The following TMEM229B variants were observed in gnomAD, a reference collection of about 807,000 sequenced individuals.
The protein encoded by TMEM229B is chromosome 14 open reading frame 83.
A neutral mutation model predicts 13.7 loss-of-function variants in TMEM229B; 6 were observed. The observed-to-expected ratio is 0.44, with a 90% CI of 0.24 to 0.86. The LOEUF is 0.86. TMEM229B is among the 40% of genes least tolerant of loss of function. The probability of loss-of-function intolerance (pLI) is 0.23; values close to 1 mark genes in which losing one functional copy is unlikely to be tolerated. For missense variants in TMEM229B, 170 were observed against 236.0 expected (o/e 0.72, Z 1.83); for synonymous variants, 107 against 102.1 (o/e 1.05, Z -0.29).
upstream of TMEM229B, among the ~76,000 whole-genome samples, chr14:67,520,290 T>C (rs888874499): frequency 1.1e-4 from 17 of 152,228 alleles, no homozygotes; most frequent in African/African-American, 4.1e-4. Context: ...TTTAGTATCA[T>C]ATGGAATATT....
chr14:67,523,674 C>T (rs954244452), intron 1 of TMEM229B, among the ~76,000 whole-genome samples: 4 of 152,222 alleles, frequency 2.6e-5, no homozygotes, highest in African/African-American at 9.6e-5. Flanking sequence ...GTAGGTTAAA[C>T]TCTGGCTTTG....
In TMEM229B at chr14:67,472,595, A is replaced by AAGGAGGTG. The variant is rs2030823988; in HGVS notation, c.*824_*825insCACCTCCT. 1 of 152,322 alleles carries AAGGAGGTG rather than the reference A, an allele frequency of 6.6e-6. No homozygotes were observed. The highest frequency in any genetic ancestry group is 2.1e-4 in the South Asian group (1 of 4,812). The allele number at this position is 152,322 out of a possible 1,614,324, so 9.4% of individuals were successfully genotyped here. A position where few individuals can be genotyped will look rare whatever the true frequency, so the allele number is the denominator to read the frequency against. On this transcript the variant is annotated 3_prime_UTR_variant, in exon 3 of 3. Coordinates refer to ENST00000554480, the MANE Select transcript of TMEM229B (RefSeq NM_001348543.2). ...CCGGAACAGTGGAGGGAAGGGCTGC[A>AAGGAGGTG]AGGGGGTGAGGGTTGGGGGTGTCTC...
intron 1 of TMEM229B, among the ~76,000 whole-genome samples, chr14:67,511,064 T>C (rs958397563): frequency 1.3e-5 from 2 of 152,202 alleles, no homozygotes; most frequent in African/African-American, 4.8e-5. Flanking sequence ...AAGGCCTTAC[T>C]AAAACTCAGG....
intron 1 of TMEM229B, among the ~76,000 whole-genome samples, chr14:67,512,165 C>A (rs551359259): frequency 3.3e-5 from 5 of 152,212 alleles, no homozygotes; most frequent in Non-Finnish European, 7.3e-5. Flanking sequence ...ATTTCCCCAA[C>A]ACATGCATTC....
intron 1 of TMEM229B, among the ~76,000 whole-genome samples, chr14:67,525,810 G>A (rs1262292343): frequency 6.6e-6 from 1 of 152,200 alleles, no homozygotes; most frequent in African/African-American, 2.4e-5. Context: ...CTTCTCAGGA[G>A]TGTCTTTTGT....
intron 1 of TMEM229B, among the ~76,000 whole-genome samples, chr14:67,511,258 A>G (rs2033015068): frequency 6.6e-6 from 1 of 152,252 alleles, no homozygotes; most frequent in African/African-American, 2.4e-5. Context: ...GCTTTTGGAA[A>G]GCAAAGGAAT....
At chr14:67,479,330 G>A (rs550738078) in intron 2 of TMEM229B, among the ~76,000 whole-genome samples, 28 of 145,662 alleles carry the variant, frequency 1.9e-4, no homozygotes, top group Non-Finnish European at 3.2e-4. Flanking sequence ...TGCTTGAACC[G>A]GGACCCAGGA....
chr14:67,494,854 G>A (rs1594699396), intron 1 of TMEM229B, among the ~76,000 whole-genome samples: 1 of 152,324 alleles, frequency 6.6e-6, no homozygotes, highest in East Asian at 1.9e-4. Flanking sequence ...ATTCAGGCCT[G>A]TAATCCCAGC....
At chr14:67,491,269 C>T (rs79560985), upstream of TMEM229B, among the ~76,000 whole-genome samples, 1 of 152,148 alleles carries the variant, frequency 6.6e-6, no homozygotes, top group African/African-American at 2.4e-5. Flanking sequence ...CCACCAGCAC[C>T]GCCACATGTT....
upstream of TMEM229B, among the ~76,000 whole-genome samples, chr14:67,489,938 T>C (rs2032093270): frequency 6.6e-6 from 1 of 151,314 alleles, no homozygotes; most frequent in South Asian, 2.1e-4. Context: ...TGCAGTGATC[T>C]GAGACCACGC....
intron 2 of TMEM229B, among the ~76,000 whole-genome samples, chr14:67,485,537 C>T (rs185388037): frequency 6.6e-6 from 1 of 152,170 alleles, no homozygotes; most frequent in Non-Finnish European, 1.5e-5. Flanking sequence ...AGCCTAGGAA[C>T]TCCAAAAAAA....
chr14:67,473,964 A>G lies in TMEM229B; in HGVS notation c.-18-23T>C. 1.3e-6 allele frequency: 2 copies of G among 1,559,712 alleles called. No homozygotes were observed. The highest frequency in any genetic ancestry group is 1.7e-6 in the Non-Finnish European group (2 of 1,154,414). On this transcript the variant is annotated intron_variant, in intron 2 of 2. Coordinates refer to ENST00000554480, the MANE Select transcript of TMEM229B (RefSeq NM_001348543.2). The surrounding 1 kb of genome is among the most constrained non-coding windows in gnomAD (Gnocchi z 6.5). ...TGGCTGCGGGGGGCGCAAGAGAGAC[A>G]GGTGAGGGCCGGGCGCGGTGGCTCA...
intron 1 of TMEM229B, among the ~76,000 whole-genome samples, chr14:67,530,734 C>T (rs60799856): frequency 0.096 from 14,546 of 152,210 alleles, 777 homozygotes; most frequent in East Asian, 0.13. Context: ...ATTATTTGCC[C>T]TTGCATGAAT....
At chr14:67,475,206 T>C (rs777326052) in intron 2 of TMEM229B, among the ~76,000 whole-genome samples, 1 of 152,210 alleles carries the variant, frequency 6.6e-6, no homozygotes, top group Non-Finnish European at 1.5e-5. Flanking sequence ...TGAGCCACTG[T>C]GCCCAGCCAG....
intron 2 of TMEM229B, among the ~76,000 whole-genome samples, chr14:67,480,903 C>T (rs1381852984): frequency 6.6e-6 from 1 of 152,140 alleles, no homozygotes; most frequent in Non-Finnish European, 1.5e-5. Flanking sequence ...CAGCAAGTAA[C>T]TTGGGAGAGT....
In TMEM229B at chr14:67,473,650, C is replaced by T. The variant is rs1479464338; in HGVS notation, c.274G>A (p.Gly92Ser). 2 of 1,579,798 alleles carry T rather than the reference C, an allele frequency of 1.3e-6. No homozygotes were observed. The highest frequency in any genetic ancestry group is 1.7e-6 in the Non-Finnish European group (2 of 1,162,912). ...GCGTTGAACTGGCGCAGGATGAAGCCGGTGGTGAACTCCCACAGGTAGGTC... is the reference window on the plus strand; with the variant it reads ...GCGTTGAACTGGCGCAGGATGAAGCTGGTGGTGAACTCCCACAGGTAGGTC... Reference protein sequence around the residue: ...LWTYLWEFTTGFILRQFNACP... With the variant: ...LWTYLWEFTTSFILRQFNACP... The change falls in exon 3 of 3, where the codon GGC becomes AGC. Residue 92 changes from glycine (G) to serine (S), a missense_variant. Coordinates refer to ENST00000554480, the MANE Select transcript of TMEM229B (RefSeq NM_001348543.2). The surrounding 1 kb of genome is among the most constrained non-coding windows in gnomAD (Gnocchi z 6.5).
chr14:67,530,749 T>A (rs1297150177), intron 1 of TMEM229B, among the ~76,000 whole-genome samples: 1 of 152,154 alleles, frequency 6.6e-6, no homozygotes, highest in African/African-American at 2.4e-5. Context: ...ATGAATGGAG[T>A]GTGAGAGCCA....
At chr14:67,499,696 A>T (rs574567229) in intron 1 of TMEM229B, among the ~76,000 whole-genome samples, 85 of 152,314 alleles carry the variant, frequency 5.6e-4, no homozygotes, top group African/African-American at 2.0e-3. Flanking sequence ...AGAAGTGATG[A>T]TCCCAGAAGA....
At chr14:67,512,303 G>A (rs1196591223) in intron 1 of TMEM229B, among the ~76,000 whole-genome samples, 1 of 152,088 alleles carries the variant, frequency 6.6e-6, no homozygotes, top group African/African-American at 2.4e-5. Flanking sequence ...CAAATACAAA[G>A]CCTGATTTCT....
Sources: allele counts gnomAD v4.1 joint callset (sites outside exome capture counted in the v4.1 genomes callset), GRCh38; gene constraint gnomAD v4.1.1; non-coding constraint Gnocchi (gnomAD v3.1); transcripts MANE v1.5; gene names NCBI Gene and HGNC (gene_info 2026-07-23, HGNC 2026-07-21).